Variants in ARMH4 observed in about 807,000 individuals in gnomAD.
ARMH4 encodes the protein armadillo like helical domain containing 4, also known as armadillo-like helical domain-containing protein 4.
In ARMH4, 49 loss-of-function variants were observed where a neutral mutation model predicts 61.9. The observed-to-expected ratio is 0.79, with a 90% CI of 0.63 to 1.00. The LOEUF (loss-of-function observed/expected upper bound fraction) is 1.00. Ranked by LOEUF, ARMH4 falls within the 50% of genes least tolerant of loss-of-function variation. The pLI is 0.00. For synonymous variants in ARMH4, 368 were observed against 341.5 expected, an observed-to-expected ratio of 1.08 and a Z score of -0.85; for missense variants, 934 against 930.0, an observed-to-expected ratio of 1.00 and a Z score of -0.06.
At chr14:58,101,944 GGA>G (rs371737384) in intron 4 of ARMH4, among the ~76,000 whole-genome samples, 3 of 151,336 alleles carry the variant, frequency 2.0e-5, no homozygotes, top group East Asian at 1.9e-4. Flanking sequence ...GGTGAATGAA[GGA>G]GAGAGAGAGA....
intron 5 of ARMH4, among the ~76,000 whole-genome samples, chr14:58,049,230 C>T (rs1884051334): frequency 6.8e-6 from 1 of 147,022 alleles, no homozygotes; most frequent in South Asian, 2.1e-4. Flanking sequence ...CAGAGCAAGA[C>T]TCCGTCCCAA....
At chr14:58,027,556 T>C (rs1405949986) in intron 5 of ARMH4, among the ~76,000 whole-genome samples, 3 of 152,188 alleles carry the variant, frequency 2.0e-5, no homozygotes, top group African/African-American at 7.2e-5. Context: ...TAAAGGCATA[T>C]GACTTGGTGG....
Position 58,107,363 on chromosome 14 carries a change from T to C in ARMH4, c.1832-10382A>G, listed in dbSNP as rs79708422. Among the ~76,000 whole-genome samples, 1,143 of 152,278 alleles carry C rather than the reference T, an allele frequency of 7.5e-3. 18 individuals are homozygous for C. The highest frequency in any genetic ancestry group is 0.025 in the African/African-American group (1,055 of 41,542). On this transcript the variant is annotated intron_variant, in intron 4 of 7. Transcript: ENST00000267485. ...TTCTGCCTTTTTGGAATAGCAATGA[T>C]TAGTTTGAATCATCATCTTTTGCCT...
At chr14:58,033,171 A>G in intron 5 of ARMH4, among the ~76,000 whole-genome samples, 1 of 109,156 alleles carries the variant, frequency 9.2e-6, no homozygotes, top group Non-Finnish European at 2.0e-5. Flanking sequence ...CTTTGAAGAG[A>G]GCAGTGGTTC....
At chr14:58,117,055 G>A (rs1018784355) in intron 4 of ARMH4, among the ~76,000 whole-genome samples, 5 of 152,018 alleles carry the variant, frequency 3.3e-5, no homozygotes, top group Non-Finnish European at 4.4e-5. Context: ...GGGCTCAAGA[G>A]ACCCTCCTGC....
intron 5 of ARMH4, among the ~76,000 whole-genome samples, chr14:58,054,876 A>AT (rs1884276888): frequency 1.3e-4 from 14 of 110,070 alleles, no homozygotes; most frequent in South Asian, 7.3e-4. Context: ...TCTCAAAAAA[A>AT]AAAAAAAAAT....
At chr14:58,050,345 C>G (rs1480384817) in intron 5 of ARMH4, among the ~76,000 whole-genome samples, 1 of 152,206 alleles carries the variant, frequency 6.6e-6, no homozygotes, top group South Asian at 2.1e-4. Context: ...TCAGGCCACA[C>G]CAGCCTAAGG....
intron 5 of ARMH4, among the ~76,000 whole-genome samples, chr14:58,071,782 C>T (rs2030682573): frequency 6.6e-6 from 1 of 152,170 alleles, no homozygotes; most frequent in East Asian, 1.9e-4. Context: ...ATGATTAACC[C>T]TTTAGGTATT....
chr14:58,044,831 C>T (rs149886897), intron 5 of ARMH4, among the ~76,000 whole-genome samples: 2,654 of 152,272 alleles, frequency 0.017, 83 homozygotes, highest in African/African-American at 0.058. Flanking sequence ...CAAAAGAAGA[C>T]ATTTATACAG....
At chr14:58,086,704 T>C (rs1211893988) in intron 5 of ARMH4, among the ~76,000 whole-genome samples, 1 of 152,154 alleles carries the variant, frequency 6.6e-6, no homozygotes, top group East Asian at 1.9e-4. Context: ...CTCCATGCTG[T>C]GTGCTAGATG....
At chr14:58,119,812 T>A (rs1288884035) in intron 4 of ARMH4, among the ~76,000 whole-genome samples, 1 of 152,228 alleles carries the variant, frequency 6.6e-6, no homozygotes, top group East Asian at 1.9e-4. Flanking sequence ...AAATAATTCA[T>A]CTAACCAGTG....
chr14:58,097,649 A>C (rs2141265049), intron 4 of ARMH4, among the ~76,000 whole-genome samples: 1 of 152,042 alleles, frequency 6.6e-6, no homozygotes, highest in South Asian at 2.1e-4. Flanking sequence ...CTTCATTGTA[A>C]GAGTTAACAT....
intron 4 of ARMH4, among the ~76,000 whole-genome samples, chr14:58,125,166 G>C (rs879527426): frequency 2.0e-5 from 3 of 151,924 alleles, no homozygotes; most frequent in Non-Finnish European, 4.4e-5. Context: ...AGAGCCACAA[G>C]GCAGGACCCT....
chr14:58,133,127 G>A lies in ARMH4; in HGVS notation c.1584C>T (p.Val528=), dbSNP rs200713244. 6.2e-7 allele frequency: 1 copy of A among 1,614,152 alleles called. No individual in the cohort carries two copies. The highest frequency in any genetic ancestry group is 8.5e-7 in the Non-Finnish European group (1 of 1,180,036). Residue 528 remains valine (V), a synonymous_variant, in exon 3 of 8, where the codon GTC becomes GTT. Transcript: ENST00000267485. ...GAGTAACTTCAAAAGACAAAGGGAC[G>A]ACTGTAGTTGAAATTGTAGTGGCCA... ...EPLATTISTT[V]VPLSFEVTPT...
intron 4 of ARMH4, among the ~76,000 whole-genome samples, chr14:58,107,222 G>C (rs1057191798): frequency 6.6e-6 from 1 of 152,126 alleles, no homozygotes; most frequent in African/African-American, 2.4e-5. Context: ...AAAAACCTTG[G>C]TTGAGAATGT....
chr14:58,044,286 A>G (rs1883843718), intron 5 of ARMH4, among the ~76,000 whole-genome samples: 1 of 152,232 alleles, frequency 6.6e-6, no homozygotes, highest in Non-Finnish European at 1.5e-5. Context: ...AATGGAACAG[A>G]ATAGAGCCCT....
chr14:58,021,833 T>A (rs11847972), intron 5 of ARMH4, among the ~76,000 whole-genome samples: 3,832 of 152,290 alleles, frequency 0.025, 175 homozygotes, highest in African/African-American at 0.085. Context: ...TCACATTTCA[T>A]TGATCAAACA....
intron 5 of ARMH4, among the ~76,000 whole-genome samples, chr14:58,063,392 C>T (rs1026596038): frequency 1.3e-5 from 2 of 152,156 alleles, no homozygotes; most frequent in Non-Finnish European, 2.9e-5. Context: ...AGGACTTCAA[C>T]GTATCTTCTG....
intron 1 of ARMH4, chr14:58,141,590 A>G: frequency 2.1e-6 from 1 of 475,900 alleles, no homozygotes. Context: ...GCTTGCCTGC[A>G]CCCCGGTGCT....
Sources: gnomAD v4.1 joint callset for allele counts (sites outside exome capture counted in the v4.1 genomes callset) on GRCh38, gnomAD v4.1.1 for gene constraint, MANE v1.5 for transcripts, NCBI Gene and HGNC (gene_info 2026-07-23, HGNC 2026-07-21) for gene names.